NRG3: variants seen among roughly 807,000 people sequenced by gnomAD.
NRG3 encodes neuregulin 3.
NRG3 carries 31 observed loss-of-function variants against 66.9 expected under a neutral mutation model. The ratio of observed to expected loss-of-function variants is 0.46; its 90% CI spans 0.35 to 0.63. The LOEUF is 0.63. Among genes scored for constraint, NRG3 ranks in the 20% least tolerant of loss-of-function variants. The pLI is 0.00. For synonymous variants in NRG3, 393 were observed against 359.4 expected (o/e 1.09, Z -1.06); for missense variants, 910 against 878.9 (o/e 1.04, Z -0.45).
rs2074988915 is a variant in NRG3 at position 82,204,033 on chromosome 10, G to A, written c.824-154706G>A. On this transcript the variant is annotated intron_variant, in intron 1 of 8. Transcript: ENST00000372141. ...AAGAGTATAGTAAATTCTTTTGAGA[G>A]TGGGCAGTTTTCTAACTCTTTAAGG... 2.0e-5 allele frequency among the ~76,000 whole-genome samples: 3 copies of A among 152,142 alleles called. No individual in the cohort carries two copies. In the South Asian group the frequency reaches 6.2e-4, roughly 32 times the overall value.
intron 4 of NRG3, among the ~76,000 whole-genome samples, chr10:82,926,992 G>A (rs1216066586): frequency 6.6e-6 from 1 of 152,090 alleles, no homozygotes; most frequent in African/African-American, 2.4e-5. Context: ...AGTTTTCTGG[G>A]AAGGGCTCTC....
chr10:82,365,244 C>T (rs2084446611), intron 2 of NRG3, among the ~76,000 whole-genome samples: 1 of 152,182 alleles, frequency 6.6e-6, no homozygotes, highest in South Asian at 2.1e-4. Context: ...TTTTGGCACA[C>T]ATCCCTGAAT....
At chr10:81,900,946 A>G (rs571032801) in intron 1 of NRG3, among the ~76,000 whole-genome samples, 85 of 152,320 alleles carry the variant, frequency 5.6e-4, no homozygotes, top group Admixed American at 1.3e-3. Context: ...TTTATTTTTC[A>G]TAAGTATTTC....
chr10:82,135,942 T>C (rs558223219), intron 1 of NRG3, among the ~76,000 whole-genome samples: 5 of 152,254 alleles, frequency 3.3e-5, no homozygotes, highest in African/African-American at 1.2e-4. Flanking sequence ...GTATTTTTTG[T>C]AGTCTTTGCA....
chr10:82,948,708 T>C (rs958606668), intron 4 of NRG3, among the ~76,000 whole-genome samples: 3 of 152,170 alleles, frequency 2.0e-5, no homozygotes, highest in Admixed American at 2.0e-4. Context: ...AATTTTTCTT[T>C]GTTGCTGTAA....
chr10:82,826,672 A>G (rs141657062), intron 3 of NRG3, among the ~76,000 whole-genome samples: 34 of 152,134 alleles, frequency 2.2e-4, no homozygotes, highest in Non-Finnish European at 4.0e-4. Context: ...AAAGACAAAT[A>G]CTGCATGTTC....
intron 6 of NRG3, among the ~76,000 whole-genome samples, chr10:82,963,423 G>A (rs1850875470): frequency 6.6e-6 from 1 of 152,220 alleles, no homozygotes; most frequent in Admixed American, 6.5e-5. Flanking sequence ...GCTCACGCCT[G>A]TAATCCCAGC....
chr10:82,707,811 C>T (rs1343445775), intron 2 of NRG3, among the ~76,000 whole-genome samples: 1 of 124,694 alleles, frequency 8.0e-6, no homozygotes, highest in African/African-American at 3.2e-5. Context: ...GAGTTTGAGA[C>T]AAGCCTGACC....
At chr10:82,123,564 C>T (rs1684284349) in intron 1 of NRG3, among the ~76,000 whole-genome samples, 1 of 152,162 alleles carries the variant, frequency 6.6e-6, no homozygotes, top group Non-Finnish European at 1.5e-5. Flanking sequence ...CCTCCTCCAA[C>T]ACCTCCTTCT....
At chr10:82,075,466 A>G (rs1434992910) in intron 1 of NRG3, among the ~76,000 whole-genome samples, 1 of 152,122 alleles carries the variant, frequency 6.6e-6, no homozygotes, top group Non-Finnish European at 1.5e-5. Context: ...ATGTTTAAGA[A>G]ATTTAAGGAC....
intron 1 of NRG3, among the ~76,000 whole-genome samples, chr10:81,991,529 C>T (rs1197245953): frequency 6.6e-6 from 1 of 152,036 alleles, no homozygotes; most frequent in Non-Finnish European, 1.5e-5. Flanking sequence ...TGTGTGGGTC[C>T]CCCAAAGGCA....
chr10:82,936,885 C>T (rs1169782826), intron 4 of NRG3, among the ~76,000 whole-genome samples: 6 of 152,072 alleles, frequency 3.9e-5, no homozygotes, highest in Non-Finnish European at 4.4e-5. Flanking sequence ...GTGAGCCATG[C>T]TATTGGATTT....
intron 3 of NRG3, among the ~76,000 whole-genome samples, chr10:82,829,884 A>T (rs961689786): frequency 1.3e-5 from 2 of 152,172 alleles, no homozygotes; most frequent in Admixed American, 1.3e-4. Flanking sequence ...TGTCAAGGTT[A>T]TAGGTAAGGG....
chr10:82,264,163 C>T (rs893804489), intron 1 of NRG3, among the ~76,000 whole-genome samples: 5 of 152,096 alleles, frequency 3.3e-5, no homozygotes, highest in African/African-American at 7.2e-5. Context: ...TGTATTAGTT[C>T]GTTCTCACAT....
At chr10:82,811,791 G>A (rs1178064195) in intron 3 of NRG3, among the ~76,000 whole-genome samples, 1 of 152,216 alleles carries the variant, frequency 6.6e-6, no homozygotes, top group Non-Finnish European at 1.5e-5. Flanking sequence ...CTGCCATGGA[G>A]CTGCATTCAC....
At chr10:82,098,608 C>A (rs1201122537) in intron 1 of NRG3, among the ~76,000 whole-genome samples, 2 of 152,122 alleles carry the variant, frequency 1.3e-5, no homozygotes, top group Non-Finnish European at 2.9e-5. Flanking sequence ...CTCAAGAAAC[C>A]TGTACTGTGC....
At chr10:82,793,007 C>A (rs775947640) in intron 3 of NRG3, among the ~76,000 whole-genome samples, 10 of 151,890 alleles carry the variant, frequency 6.6e-5, no homozygotes, top group Non-Finnish European at 8.8e-5. Flanking sequence ...TTTAATCCTA[C>A]CAATAAACTC....
rs1427344827 is a variant in NRG3, at chr10:82,973,659, C to T, written c.1285-129C>T. 4 of 933,112 alleles carry T rather than the reference C, an allele frequency of 4.3e-6. No homozygotes were observed. In the Admixed American group the frequency reaches 5.7e-5, roughly 13 times the overall value. 57.8% of individuals were successfully genotyped at this position (933,112 alleles called of 1,614,324 possible). A position where few individuals can be genotyped will look rare whatever the true frequency, so the allele number is the denominator to read the frequency against. ...AAACAGGACACAAATTATGTCTTAT[C>T]TCCTGCTCCTCTAGTCAGGTGACCA... On this transcript the variant is annotated intron_variant, in intron 6 of 8. Coordinates refer to ENST00000372141, the MANE Select transcript of NRG3 (RefSeq NM_001010848.4).
intron 2 of NRG3, among the ~76,000 whole-genome samples, chr10:82,446,332 A>G (rs997200393): frequency 6.6e-6 from 1 of 152,230 alleles, no homozygotes; most frequent in Non-Finnish European, 1.5e-5. Flanking sequence ...AGATACATGC[A>G]CAGATATGTT....
Sources: gnomAD v4.1 joint callset for allele counts (sites outside exome capture counted in the v4.1 genomes callset) on GRCh38, gnomAD v4.1.1 for gene constraint, MANE v1.5 for transcripts, NCBI Gene and HGNC (gene_info 2026-07-23, HGNC 2026-07-21) for gene names.